PTPRT: variants seen among roughly 807,000 people sequenced by gnomAD.
PTPRT encodes the protein protein tyrosine phosphatase receptor type T.
A neutral mutation model predicts 176.8 loss-of-function variants in PTPRT; 56 were observed. That is an observed-to-expected ratio of 0.32 (90% CI 0.26 to 0.40). PTPRT has a LOEUF of 0.40. PTPRT is among the 10% of genes least tolerant of loss of function. The pLI is 1.00. For synonymous variants in PTPRT, 783 were observed against 739.0 expected, an observed-to-expected ratio of 1.06 and a Z score of -0.96; for missense variants, 1,540 against 1,908.2, an observed-to-expected ratio of 0.81 and a Z score of 3.60.
intron 7 of PTPRT, among the ~76,000 whole-genome samples, chr20:42,668,547 T>G (rs150661669): frequency 1.3e-3 from 192 of 152,260 alleles, no homozygotes; most frequent in Non-Finnish European, 2.3e-3. Context: ...GAGAGCTTTA[T>G]GTTTTGCCTC....
chr20:42,756,498 AC>A lies in PTPRT; in HGVS notation c.822del (p.Ser275LeufsTer9). 6.2e-7 allele frequency: 1 copy of A among 1,605,282 alleles called. No individual in the cohort carries two copies. On this transcript the variant is annotated frameshift_variant, in exon 6 of 31. Transcript: ENST00000373187. LOFTEE classifies it high-confidence loss of function. Reference sequence around the variant, plus strand: ...AGCTCCGCGTAGTTGGACACACCAGACCCACCATCAGAGCGGATCACACAGC... The same window carrying A: ...AGCTCCGCGTAGTTGGACACACCAGACCACCATCAGAGCGGATCACACAGC... Reference protein sequence around the residue: ...KYRCVIRSDGGSGVSNYAELI... With the variant: ...KYRCVIRSDGXSGVSNYAELI...
intron 7 of PTPRT, among the ~76,000 whole-genome samples, chr20:42,625,906 A>G (rs2074280775): frequency 7.3e-6 from 1 of 136,922 alleles, no homozygotes; most frequent in South Asian, 2.3e-4. Context: ...ATTTTGATGA[A>G]AAGTTCCATT....
chr20:42,400,905 G>C (rs1288794128), intron 9 of PTPRT, among the ~76,000 whole-genome samples: 3 of 151,958 alleles, frequency 2.0e-5, no homozygotes, highest in Non-Finnish European at 4.4e-5. Context: ...TAAGGGATCG[G>C]GTTTTTAACA....
intron 1 of PTPRT, among the ~76,000 whole-genome samples, chr20:43,090,290 T>C (rs2011772195): frequency 2.0e-5 from 3 of 150,164 alleles, no homozygotes; most frequent in South Asian, 2.1e-4. Flanking sequence ...TTTTTTGAGA[T>C]GGAGTCTTGT....
intron 1 of PTPRT, among the ~76,000 whole-genome samples, chr20:43,134,116 A>C (rs1188607524): frequency 6.6e-6 from 1 of 152,242 alleles, no homozygotes; most frequent in Non-Finnish European, 1.5e-5. Context: ...TAGTCAGCCA[A>C]ATCCAGTATG....
chr20:42,106,754 G>A (rs752289162), intron 24 of PTPRT, 32 bp downstream of exon 24: 1 of 1,605,864 alleles, frequency 6.2e-7, no homozygotes, highest in Admixed American at 1.7e-5. Context: ...AGGGCTACAG[G>A]TGGCCAACTG....
intron 27 of PTPRT, among the ~76,000 whole-genome samples, chr20:42,089,967 A>G (rs947644812): frequency 2.0e-5 from 3 of 152,112 alleles, no homozygotes; most frequent in Middle Eastern, 3.2e-3. Flanking sequence ...GGATGCTACC[A>G]TTTTGGTTTG....
intron 7 of PTPRT, among the ~76,000 whole-genome samples, chr20:42,632,122 T>G (rs1434299912): frequency 6.6e-6 from 1 of 152,156 alleles, no homozygotes; most frequent in African/African-American, 2.4e-5. Flanking sequence ...GTGAGCTTCC[T>G]TGTTGGCAAT....
intron 1 of PTPRT, among the ~76,000 whole-genome samples, chr20:42,912,582 T>C (rs978330539): frequency 2.0e-5 from 3 of 152,222 alleles, no homozygotes; most frequent in African/African-American, 2.4e-5. Flanking sequence ...AATGCCTACA[T>C]AGAGTATCAG....
At chr20:42,819,606 C>A (rs1234286515) in intron 2 of PTPRT, among the ~76,000 whole-genome samples, 1 of 151,840 alleles carries the variant, frequency 6.6e-6, no homozygotes, top group African/African-American at 2.4e-5. Flanking sequence ...CACAGACTGG[C>A]AAAATGGATA....
intron 15 of PTPRT, among the ~76,000 whole-genome samples, chr20:42,228,135 T>C (rs775828615): frequency 3.3e-4 from 51 of 152,250 alleles, no homozygotes; most frequent in Non-Finnish European, 1.5e-4. Flanking sequence ...TTGGTATTAT[T>C]AGGTTGGTTT....
intron 7 of PTPRT, among the ~76,000 whole-genome samples, chr20:42,656,309 T>C (rs1243985914): frequency 6.6e-6 from 1 of 151,964 alleles, no homozygotes; most frequent in African/African-American, 2.4e-5. Flanking sequence ...AAGCCAAGCC[T>C]AAAGGAAAGA....
intron 1 of PTPRT, among the ~76,000 whole-genome samples, chr20:43,027,837 A>G (rs1228958518): frequency 1.3e-5 from 2 of 152,158 alleles, no homozygotes; most frequent in Non-Finnish European, 2.9e-5. Flanking sequence ...TGAAGTTGCC[A>G]ATTTCTGGTC....
At chr20:42,186,856 G>C (rs1990802908) in intron 16 of PTPRT, among the ~76,000 whole-genome samples, 1 of 152,020 alleles carries the variant, frequency 6.6e-6, no homozygotes. Context: ...AAAATAGATG[G>C]ATTCTAGATA....
At chr20:42,614,265 A>G (rs1275889290) in intron 7 of PTPRT, among the ~76,000 whole-genome samples, 5 of 152,110 alleles carry the variant, frequency 3.3e-5, no homozygotes, top group Non-Finnish European at 5.9e-5. Context: ...ACCTGTCACA[A>G]TGGATTTGAA....
At chr20:42,746,074 T>C (rs1422241318) in intron 6 of PTPRT, among the ~76,000 whole-genome samples, 1 of 152,224 alleles carries the variant, frequency 6.6e-6, no homozygotes, top group Non-Finnish European at 1.5e-5. Context: ...TTTGATTTAA[T>C]TTCCAAATGC....
At chr20:42,320,194 C>T (rs1006980183) in intron 11 of PTPRT, among the ~76,000 whole-genome samples, 1 of 152,214 alleles carries the variant, frequency 6.6e-6, no homozygotes, top group African/African-American at 2.4e-5. Context: ...TGTACTCTTA[C>T]TTTCAGTATC....
chr20:42,691,063 G>C (rs2075785677), intron 6 of PTPRT, among the ~76,000 whole-genome samples: 1 of 152,228 alleles, frequency 6.6e-6, no homozygotes, highest in Non-Finnish European at 1.5e-5. Context: ...CTGAGCATCT[G>C]AGCTCTCAGG....
At chr20:43,092,327 T>C (rs1600706753) in intron 1 of PTPRT, among the ~76,000 whole-genome samples, 1 of 152,168 alleles carries the variant, frequency 6.6e-6, no homozygotes, top group South Asian at 2.1e-4. Flanking sequence ...GCCCCATGGG[T>C]CTGGCATTTC....
Sources: allele counts gnomAD v4.1 joint callset (sites outside exome capture counted in the v4.1 genomes callset), GRCh38; gene constraint gnomAD v4.1.1; transcripts MANE v1.5; gene names NCBI Gene and HGNC (gene_info 2026-07-23, HGNC 2026-07-21).